The following SHTN1 variants were observed in gnomAD, a reference collection of about 807,000 sequenced individuals.
The protein encoded by SHTN1 is shootin-1.
In SHTN1, 42 loss-of-function variants were observed where a neutral mutation model predicts 83.1. The ratio of observed to expected loss-of-function variants is 0.51; its 90% CI spans 0.39 to 0.65. The LOEUF is 0.65. SHTN1 is among the 30% of genes least tolerant of loss of function. The probability of loss-of-function intolerance (pLI) is 0.00; values close to 1 mark genes in which losing one functional copy is unlikely to be tolerated. For missense variants in SHTN1, 622 were observed against 737.8 expected (o/e 0.84, Z 1.82); for synonymous variants, 224 against 247.7 (o/e 0.90, Z 0.90).
At chr10:116,927,366 G>C (rs1303104583) in intron 11 of SHTN1, among the ~76,000 whole-genome samples, 3 of 152,146 alleles carry the variant, frequency 2.0e-5, no homozygotes, top group Non-Finnish European at 2.9e-5. Context: ...CCGAGACTCG[G>C]TAATTATAAA....
In SHTN1 at chr10:116,949,028, C is replaced by T. The variant is rs1433367327; in HGVS notation, c.535-31G>A. ...AATGTGAAATTTTGAGGGGAGAAAA[C>T]ACCAAAAATTGTAAAACAGGACATA... On this transcript the variant is annotated intron_variant, in intron 6 of 16. Transcript: ENST00000355371. 3 of 1,492,034 alleles carry T rather than the reference C, an allele frequency of 2.0e-6. No homozygotes were observed. In the Admixed American group the frequency reaches 7.4e-5, roughly 37 times the overall value. The allele number at this position is 1,492,034 out of a possible 1,614,324, so 92.4% of individuals were successfully genotyped here.
At chr10:117,121,304 G>T (rs552392341) in intron 1 of SHTN1, among the ~76,000 whole-genome samples, 1 of 152,142 alleles carries the variant, frequency 6.6e-6, no homozygotes, top group Non-Finnish European at 1.5e-5. Flanking sequence ...TGGGCCAGGC[G>T]TGGTGGCTTA....
rs58029184 is a variant in SHTN1 at position 117,047,903 on chromosome 10, CA to C, written c.-123+541del. On this transcript the variant is annotated intron_variant, in intron 2 of 17. Coordinates refer to the SHTN1 transcript ENST00000392901. ...AAATGTTGGGATTATAGGCATGAGC[CA>C]AAAAAAAAAAAAAATTATTAAAAGT... Among the ~76,000 whole-genome samples the C allele has an allele frequency of 3.3e-3, 458 of 139,526 alleles. 2 individuals are homozygous for C. Among genetic ancestry groups the C allele is most frequent in the East Asian group, 0.022 (104 of 4,762 alleles). The allele number at this position is 139,526 out of a possible 152,430, so 91.5% of individuals were successfully genotyped here.
intron 1 of SHTN1, among the ~76,000 whole-genome samples, chr10:117,053,016 T>A (rs1852770865): frequency 5.7e-4 from 2 of 3,538 alleles, no homozygotes; most frequent in Admixed American, 5.2e-3. Context: ...CAAGACTGTG[T>A]CTCAAAAAAA....
intron 8 of SHTN1, 22 bp from the exon 9 acceptor site, chr10:116,940,634 A>T (rs1172961197): frequency 3.1e-6 from 5 of 1,589,992 alleles, no homozygotes; most frequent in Non-Finnish European, 4.3e-6. Flanking sequence ...TGTTACAAGA[A>T]TGTATATATC....
intron 3 of SHTN1, among the ~76,000 whole-genome samples, chr10:116,963,391 C>T (rs534064179): frequency 8.6e-5 from 13 of 151,628 alleles, no homozygotes; most frequent in African/African-American, 2.7e-4. Flanking sequence ...GTTTTTTAAA[C>T]GTTTAGCTAT....
chr10:117,113,929 C>G (rs768149026), intron 1 of SHTN1, among the ~76,000 whole-genome samples: 3 of 152,176 alleles, frequency 2.0e-5, no homozygotes, highest in Admixed American at 6.5e-5. Flanking sequence ...CGCCTATAAT[C>G]CCAGCTGCTC....
intron 1 of SHTN1, among the ~76,000 whole-genome samples, chr10:117,108,615 G>A (rs1462896778): frequency 6.6e-6 from 1 of 151,454 alleles, no homozygotes; most frequent in Non-Finnish European, 1.5e-5. Context: ...TAAATGAGGA[G>A]TTAATGGGTG....
At chr10:116,973,808 G>T (rs1451947859) in intron 2 of SHTN1, 8 of 1,158,616 alleles carry the variant, frequency 6.9e-6, no homozygotes, top group Non-Finnish European at 5.7e-6. Flanking sequence ...AACAGTTAAA[G>T]ATTTAAACAT....
intron 1 of SHTN1, among the ~76,000 whole-genome samples, chr10:117,004,013 G>A (rs1327703719): frequency 4.6e-5 from 7 of 151,900 alleles, no homozygotes; most frequent in Non-Finnish European, 7.4e-5. Flanking sequence ...TCAGCCTCCC[G>A]GGTAGCTGGG....
At chr10:116,888,066 G>A (rs1431816167) in intron 16 of SHTN1, among the ~76,000 whole-genome samples, 1 of 152,202 alleles carries the variant, frequency 6.6e-6, no homozygotes, top group Non-Finnish European at 1.5e-5. Flanking sequence ...TATTACCTAT[G>A]TGTGGCTCGG....
chr10:117,063,329 T>C (rs953152368), intron 1 of SHTN1, among the ~76,000 whole-genome samples: 2 of 152,178 alleles, frequency 1.3e-5, no homozygotes, highest in African/African-American at 2.4e-5. Context: ...ATCTGTCCTT[T>C]GGTGATCCCA....
chr10:117,081,922 CTCT>C (rs1240556551), intron 1 of SHTN1, among the ~76,000 whole-genome samples: 1 of 150,508 alleles, frequency 6.6e-6, no homozygotes, highest in African/African-American at 2.4e-5. Flanking sequence ...TGATTCTTCT[CTCT>C]TTTTTTCTTT....
chr10:116,887,943 G>C (rs926487291), intron 16 of SHTN1, among the ~76,000 whole-genome samples: 6 of 152,148 alleles, frequency 3.9e-5, no homozygotes, highest in African/African-American at 1.4e-4. Flanking sequence ...GCATGACCCG[G>C]TCACGGGCAC....
At chr10:116,976,429 T>A (rs2133475209) in intron 2 of SHTN1, among the ~76,000 whole-genome samples, 1 of 152,238 alleles carries the variant, frequency 6.6e-6, no homozygotes, top group Middle Eastern at 3.4e-3. Flanking sequence ...ACCTTGCAAT[T>A]TATTTTTTTG....
chr10:116,945,044 A>C, intron 7 of SHTN1, 26 bp from the exon 8 acceptor site: 1 of 1,337,928 alleles, frequency 7.5e-7, no homozygotes, highest in South Asian at 1.3e-5. Context: ...GAAAAAAAAA[A>C]CCCAGACAAT....
upstream of SHTN1, chr10:117,005,666 G>A (rs111793523): frequency 1.2e-6 from 1 of 815,914 alleles, no homozygotes. Flanking sequence ...ACAGGGGCGG[G>A]CCCAGGGTGG....
At chr10:116,950,588 A>C (rs929423935) in intron 6 of SHTN1, among the ~76,000 whole-genome samples, 2 of 152,234 alleles carry the variant, frequency 1.3e-5, no homozygotes, top group African/African-American at 4.8e-5. Context: ...GTAAATAATC[A>C]CAACTGAGGA....
At chr10:117,031,872 A>G (rs1255420712) in intron 2 of SHTN1, among the ~76,000 whole-genome samples, 2 of 152,174 alleles carry the variant, frequency 1.3e-5, no homozygotes, top group Non-Finnish European at 2.9e-5. Context: ...CAGAAAACAA[A>G]TAACAAAACG....
Sources: allele counts gnomAD v4.1 joint callset (sites outside exome capture counted in the v4.1 genomes callset), GRCh38; gene constraint gnomAD v4.1.1; transcripts MANE v1.5; gene names NCBI Gene and HGNC (gene_info 2026-07-23, HGNC 2026-07-21).